Variants in SGCZ observed in about 807,000 individuals in gnomAD.
SGCZ encodes zeta-sarcoglycan.
SGCZ carries 40 observed loss-of-function variants against 41.3 expected under a neutral mutation model. That is an observed-to-expected ratio of 0.97 (90% CI 0.75 to 1.26). SGCZ has a LOEUF of 1.26. Among genes scored for constraint, SGCZ ranks in the 50% most tolerant of loss-of-function variants. The probability of loss-of-function intolerance (pLI) is 0.00; values close to 1 mark genes in which losing one functional copy is unlikely to be tolerated. For missense variants in SGCZ, 552 were observed against 369.8 expected, an observed-to-expected ratio of 1.49 and a Z score of -4.04; for synonymous variants, 206 against 137.5, an observed-to-expected ratio of 1.50 and a Z score of -3.49.
intron 1 of SGCZ, among the ~76,000 whole-genome samples, chr8:14,738,354 A>G (rs1418148085): frequency 6.6e-6 from 1 of 152,088 alleles, no homozygotes; most frequent in Non-Finnish European, 1.5e-5. Context: ...TGTGATCTAA[A>G]CCACTCTCAA....
intron 1 of SGCZ, among the ~76,000 whole-genome samples, chr8:14,579,493 T>A (rs1195440133): frequency 6.6e-6 from 1 of 152,244 alleles, no homozygotes. Flanking sequence ...TTTGCATCGA[T>A]AACTGAATGA....
At chr8:14,194,834 G>C (rs1452815194) in intron 4 of SGCZ, among the ~76,000 whole-genome samples, 1 of 151,782 alleles carries the variant, frequency 6.6e-6, no homozygotes, top group African/African-American at 2.4e-5. Context: ...CAAAGCAAAA[G>C]CTCATAGGCC....
At chr8:14,148,752 G>T (rs374427163) in intron 5 of SGCZ, among the ~76,000 whole-genome samples, 1 of 151,920 alleles carries the variant, frequency 6.6e-6, no homozygotes, top group East Asian at 1.9e-4. Flanking sequence ...AAAACTACAG[G>T]CCAAAATCTG....
At chr8:14,495,603 C>T (rs917657452) in intron 2 of SGCZ, among the ~76,000 whole-genome samples, 7 of 152,078 alleles carry the variant, frequency 4.6e-5, no homozygotes, top group Admixed American at 2.6e-4. Flanking sequence ...TATATTTTCT[C>T]ATTTAATCCT....
chr8:14,610,148 T>C (rs893389758), intron 1 of SGCZ, among the ~76,000 whole-genome samples: 1 of 152,100 alleles, frequency 6.6e-6, no homozygotes, highest in Non-Finnish European at 1.5e-5. Context: ...GTCTTTTAAG[T>C]GGGGAGTAAA....
intron 1 of SGCZ, among the ~76,000 whole-genome samples, chr8:14,867,432 T>C (rs1466814807): frequency 6.6e-6 from 1 of 152,168 alleles, no homozygotes; most frequent in Non-Finnish European, 1.5e-5. Context: ...TGTATCTTTA[T>C]AATAGAATGA....
intron 1 of SGCZ, among the ~76,000 whole-genome samples, chr8:15,004,725 C>T (rs1313361318): frequency 3.9e-5 from 6 of 152,146 alleles, no homozygotes; most frequent in East Asian, 3.9e-4. Context: ...TGAGGATTCC[C>T]ACCTTCCCGA....
At chr8:14,546,427 C>T (rs1393075542) in intron 2 of SGCZ, among the ~76,000 whole-genome samples, 2 of 152,162 alleles carry the variant, frequency 1.3e-5, no homozygotes, top group Non-Finnish European at 2.9e-5. Flanking sequence ...AGTGCGAAGA[C>T]TAAACTGCAA....
At chr8:14,449,331 CA>C (rs2117395693) in intron 2 of SGCZ, among the ~76,000 whole-genome samples, 1 of 152,252 alleles carries the variant, frequency 6.6e-6, no homozygotes, top group South Asian at 2.1e-4. Context: ...CACTTATTCT[CA>C]AAAATACAAG....
chr8:14,607,318 T>A (rs1235579292), intron 1 of SGCZ, among the ~76,000 whole-genome samples: 1 of 152,186 alleles, frequency 6.6e-6, no homozygotes, highest in Non-Finnish European at 1.5e-5. Context: ...ACATTTCCAA[T>A]ATTAATATTT....
intron 2 of SGCZ, among the ~76,000 whole-genome samples, chr8:14,364,498 T>G (rs1035619061): frequency 3.9e-5 from 6 of 152,178 alleles, no homozygotes; most frequent in Non-Finnish European, 5.9e-5. Flanking sequence ...TTTTTATACA[T>G]TGCCATTCTT....
chr8:14,852,562 T>C (rs1803369231), intron 1 of SGCZ, among the ~76,000 whole-genome samples: 1 of 152,190 alleles, frequency 6.6e-6, no homozygotes, highest in Non-Finnish European at 1.5e-5. Context: ...TACCAACAAT[T>C]GCCTGAAAAT....
chr8:15,014,008 A>G (rs1017504315), intron 1 of SGCZ, among the ~76,000 whole-genome samples: 2 of 152,194 alleles, frequency 1.3e-5, no homozygotes, highest in Non-Finnish European at 2.9e-5. Flanking sequence ...TTGGAGTTCA[A>G]TCCCAAACGG....
intron 5 of SGCZ, among the ~76,000 whole-genome samples, chr8:14,125,393 A>G (rs1460820895): frequency 1.3e-5 from 2 of 151,860 alleles, no homozygotes; most frequent in African/African-American, 4.8e-5. Flanking sequence ...AGTCCCAGCT[A>G]CTTGGGAGGC....
intron 3 of SGCZ, among the ~76,000 whole-genome samples, chr8:14,245,799 C>T (rs1427970275): frequency 1.3e-5 from 2 of 152,154 alleles, no homozygotes; most frequent in Non-Finnish European, 2.9e-5. Flanking sequence ...CATGAACAGA[C>T]GCTTCTCAAA....
intron 4 of SGCZ, among the ~76,000 whole-genome samples, chr8:14,178,986 C>T (rs1406678931): frequency 6.6e-6 from 1 of 152,104 alleles, no homozygotes; most frequent in African/African-American, 2.4e-5. Context: ...ACTGGCAGAC[C>T]TCATTGAGCT....
intron 4 of SGCZ, among the ~76,000 whole-genome samples, chr8:14,235,075 T>C (rs1054491614): frequency 6.6e-6 from 1 of 152,212 alleles, no homozygotes; most frequent in Non-Finnish European, 1.5e-5. Context: ...GACAACACCA[T>C]ACTTCTTATA....
At chr8:14,790,556 T>C (rs1469211539) in intron 1 of SGCZ, among the ~76,000 whole-genome samples, 1 of 151,850 alleles carries the variant, frequency 6.6e-6, no homozygotes, top group East Asian at 1.9e-4. Flanking sequence ...AATGAATGAT[T>C]CTATAATAAC....
chr8:14,457,090 T>A (rs141580081), intron 2 of SGCZ, among the ~76,000 whole-genome samples: 1 of 152,228 alleles, frequency 6.6e-6, no homozygotes, highest in Non-Finnish European at 1.5e-5. Flanking sequence ...AAAACAAGAA[T>A]AGTTATACCA....
Sources: allele counts gnomAD v4.1 joint callset (sites outside exome capture counted in the v4.1 genomes callset), GRCh38; gene constraint gnomAD v4.1.1; transcripts MANE v1.5; gene names NCBI Gene and HGNC (gene_info 2026-07-23, HGNC 2026-07-21).